SLC25A16: variants seen among roughly 807,000 people sequenced by gnomAD.
SLC25A16 encodes mitochondrial coenzyme A transporter SLC25A16.
In SLC25A16, 39 loss-of-function variants were observed where a neutral mutation model predicts 41.5. That is an observed-to-expected ratio of 0.94 (90% confidence interval 0.73 to 1.23). SLC25A16 has a LOEUF of 1.23. Ranked by LOEUF, SLC25A16 falls within the 50% of genes most tolerant of loss-of-function variation. The pLI, the probability that SLC25A16 is intolerant of heterozygous loss-of-function variation, is 0.00. For synonymous variants in SLC25A16, 146 were observed against 147.8 expected (o/e 0.99, Z 0.09); for missense variants, 421 against 426.9 (o/e 0.99, Z 0.12).
chr10:68,519,766 T>G (rs1207570794), intron 1 of SLC25A16, among the ~76,000 whole-genome samples: 11 of 150,720 alleles, frequency 7.3e-5, no homozygotes, highest in African/African-American at 2.7e-4. Context: ...AATACAAAAA[T>G]TAGCCAGGTG....
intron 8 of SLC25A16, 78 bp from the exon 9 acceptor site, chr10:68,483,666 G>A: frequency 1.5e-6 from 2 of 1,298,382 alleles, no homozygotes; most frequent in Non-Finnish European, 2.1e-6. Context: ...TATCAATTTT[G>A]TTTTTTTGAG....
At chr10:68,524,156 A>G (rs1360101130) in intron 1 of SLC25A16, among the ~76,000 whole-genome samples, 5 of 151,634 alleles carry the variant, frequency 3.3e-5, no homozygotes. Context: ...TAAAAATACA[A>G]AAAATTAGCC....
At chr10:68,493,267 T>G in intron 5 of SLC25A16, 69 bp from the exon 6 acceptor site, 1 of 1,245,896 alleles carries the variant, frequency 8.0e-7, no homozygotes, top group South Asian at 1.3e-5. Flanking sequence ...AAAGAAAAAA[T>G]CACACTTTAT....
At chr10:68,522,162 CAA>C (rs1005887499) in intron 1 of SLC25A16, among the ~76,000 whole-genome samples, 6 of 120,322 alleles carry the variant, frequency 5.0e-5, no homozygotes, top group Admixed American at 8.7e-5. Flanking sequence ...GACTCTGTCT[CAA>C]AAAAAAAAAA....
intron 1 of SLC25A16, among the ~76,000 whole-genome samples, chr10:68,519,877 T>G (rs984264821): frequency 6.7e-6 from 1 of 150,096 alleles, no homozygotes; most frequent in African/African-American, 2.4e-5. Context: ...ATCATGTCAC[T>G]GCACTCCAGC....
chr10:68,503,568 C>T (rs2052894914), intron 4 of SLC25A16, 64 bp downstream of exon 4: 9 of 1,121,600 alleles, frequency 8.0e-6, no homozygotes, highest in Middle Eastern at 2.3e-4. Flanking sequence ...ATAATCTAAA[C>T]CAAATTAAAT....
chr10:68,508,891 G>A (rs1401069686), intron 2 of SLC25A16, among the ~76,000 whole-genome samples: 1 of 152,124 alleles, frequency 6.6e-6, no homozygotes, highest in Non-Finnish European at 1.5e-5. Context: ...TATCGAGGGG[G>A]TTTCAACTAC....
chr10:68,490,487 C>T (rs771808166), intron 6 of SLC25A16, among the ~76,000 whole-genome samples: 1 of 151,836 alleles, frequency 6.6e-6, no homozygotes, highest in African/African-American at 2.4e-5. Context: ...GGATTACAGG[C>T]GTGCGCCACC....
rs912729256 is a variant in SLC25A16, at chr10:68,527,283, G to A, written c.93C>T (p.Arg31=). Residue 31 remains arginine, a synonymous_variant, in exon 1 of 9, where the codon CGC becomes CGT. Transcript: ENST00000609923. ...AGGAGCGCAGCCAGTAGAAGTCTCT[G>A]CGGGTTGTGGGCCCTCCGGCCCCTG... ...QAAGAGGPTT[R]RDFYWLRSFL... 6.5e-7 allele frequency: 1 copy of A among 1,548,336 alleles called. No individual in the cohort carries two copies. The highest frequency in any genetic ancestry group is 1.7e-4 in the Middle Eastern group (1 of 5,976).
At chr10:68,521,717 C>T (rs1176724401) in intron 1 of SLC25A16, among the ~76,000 whole-genome samples, 2 of 149,840 alleles carry the variant, frequency 1.3e-5, no homozygotes, top group African/African-American at 2.4e-5. Context: ...CCTCAGCCTC[C>T]CAAGTAGCTG....
chr10:68,500,435 G>A (rs1313667616), intron 4 of SLC25A16, among the ~76,000 whole-genome samples: 1 of 151,996 alleles, frequency 6.6e-6, no homozygotes, highest in Admixed American at 6.6e-5. Flanking sequence ...AGCCTCCCAC[G>A]TATCTGGGAT....
intron 2 of SLC25A16, among the ~76,000 whole-genome samples, chr10:68,515,365 G>A (rs201623186): frequency 8.8e-3 from 1,167 of 132,846 alleles, no homozygotes; most frequent in Middle Eastern, 0.011. Context: ...TCCAAAAAAA[G>A]AAAAAAAAAA....
chr10:68,521,737 G>C (rs1285704275), intron 1 of SLC25A16, among the ~76,000 whole-genome samples: 1 of 150,054 alleles, frequency 6.7e-6, no homozygotes, highest in Non-Finnish European at 1.5e-5. Flanking sequence ...GGGACTACAG[G>C]CGCCCGCCAC....
chr10:68,524,310 C>CAAAAAAAAAAA (rs565308290), intron 1 of SLC25A16, among the ~76,000 whole-genome samples: 2 of 44,024 alleles, frequency 4.5e-5, no homozygotes, highest in African/African-American at 2.2e-4. Flanking sequence ...AACTCCATCT[C>CAAAAAAAAAAA]AAAAAAAAAA....
chr10:68,493,123 G>A lies in SLC25A16; in HGVS notation c.610+9C>T, dbSNP rs560411905. The A allele has an allele frequency of 2.6e-6, 4 of 1,521,662 alleles. No individual in the cohort carries two copies. In the African/African-American group the frequency reaches 4.2e-5, roughly 16 times the overall value. 94.3% of individuals were successfully genotyped at this position (1,521,662 alleles called of 1,614,324 possible). Reference sequence around the variant, plus strand: ...TGCATATTAGGATTCTGGCAAATTTGAAACATACCTGCATATGGAGCCATT... The same window carrying A: ...TGCATATTAGGATTCTGGCAAATTTAAAACATACCTGCATATGGAGCCATT... On this transcript the variant is annotated intron_variant, in intron 6 of 8. Coordinates refer to ENST00000609923, the MANE Select transcript of SLC25A16 (RefSeq NM_152707.4).
Position 68,484,596 on chromosome 10 carries a change from TTTTG to T in SLC25A16, c.843-1012_843-1009del, listed in dbSNP as rs552990763. On this transcript the variant is annotated intron_variant, in intron 8 of 8. Transcript: ENST00000609923. ...ACACACCACCATGCCTCACTAAATT[TTTTG>T]TTTGTTTGTTTTTAGTTAAAAAAAA... 3.2e-3 allele frequency among the ~76,000 whole-genome samples: 491 copies of T among 151,708 alleles called. 5 individuals carry two copies. The highest frequency in any genetic ancestry group is 0.011 in the African/African-American group (465 of 41,330).
chr10:68,509,754 G>T (rs9415908), intron 2 of SLC25A16, among the ~76,000 whole-genome samples: 4,308 of 135,262 alleles, frequency 0.032, 211 homozygotes, highest in African/African-American at 0.11. Flanking sequence ...TATATATATA[G>T]ATATATAGAT....
Position 68,482,802 on chromosome 10 carries a change from A to G in SLC25A16, c.*630T>C, listed in dbSNP as rs1371773946. ...ATCCTCTCACCTCAGCTTCCAGAGTAGCTGGGACCACATGCCCATCCCACC... is the reference window on the plus strand; with the variant it reads ...ATCCTCTCACCTCAGCTTCCAGAGTGGCTGGGACCACATGCCCATCCCACC... On this transcript the variant is annotated 3_prime_UTR_variant, in exon 9 of 9. Transcript: ENST00000609923. 4 of 152,178 alleles carry G rather than the reference A, an allele frequency of 2.6e-5. No individual in the cohort carries two copies. The highest frequency in any genetic ancestry group is 9.7e-5 in the African/African-American group (4 of 41,446). 9.4% of individuals were successfully genotyped at this position (152,178 alleles called of 1,614,324 possible).
At chr10:68,506,461 A>AAC in intron 3 of SLC25A16, 124 bp downstream of exon 3, 4 of 669,242 alleles carry the variant, frequency 6.0e-6, no homozygotes, top group South Asian at 3.9e-5. Flanking sequence ...AAAAAAAAAA[A>AAC]CCAATAATTT....
Sources: gnomAD v4.1 joint callset for allele counts (sites outside exome capture counted in the v4.1 genomes callset) on GRCh38, gnomAD v4.1.1 for gene constraint, MANE v1.5 for transcripts, NCBI Gene and HGNC (gene_info 2026-07-23, HGNC 2026-07-21) for gene names.